Variants in HOOK3 observed in about 807,000 individuals in gnomAD.
The protein encoded by HOOK3 is hook microtubule tethering protein 3.
In HOOK3, 24 loss-of-function variants were observed where a neutral mutation model predicts 116.3. The ratio of observed to expected loss-of-function variants is 0.21; its 90% CI spans 0.15 to 0.29. The LOEUF (loss-of-function observed/expected upper bound fraction) is 0.29. Among genes scored for constraint, HOOK3 ranks in the 10% least tolerant of loss-of-function variants. HOOK3 has a pLI of 1.00. For synonymous variants in HOOK3, 275 were observed against 283.0 expected, an observed-to-expected ratio of 0.97 and a Z score of 0.28; for missense variants, 632 against 830.2, an observed-to-expected ratio of 0.76 and a Z score of 2.93.
chr8:43,027,293 G>T lies in HOOK3; in HGVS notation c.*8795G>T. On this transcript the variant is annotated 3_prime_UTR_variant, in exon 22 of 22. Coordinates refer to ENST00000307602, the MANE Select transcript of HOOK3 (RefSeq NM_032410.4). ...CAGGACTTCTACATTTGTAACTTGA[G>T]TATATTAATATTCAAATCATAGTTC... The T allele has an allele frequency of 3.6e-6, 1 of 275,726 alleles. No individual in the cohort carries two copies. Among genetic ancestry groups the T allele is most frequent in the Non-Finnish European group, 7.2e-6 (1 of 138,406 alleles). 17.1% of individuals were successfully genotyped at this position (275,726 alleles called of 1,614,324 possible).
At chr8:42,939,155 CTT>C (rs1385718962) in intron 4 of HOOK3, among the ~76,000 whole-genome samples, 2 of 152,246 alleles carry the variant, frequency 1.3e-5, no homozygotes, top group Non-Finnish European at 2.9e-5. Context: ...ATTTCTCACT[CTT>C]TTCCCCACCT....
At chr8:42,908,554 T>C (rs1194798466) in intron 2 of HOOK3, among the ~76,000 whole-genome samples, 1 of 152,174 alleles carries the variant, frequency 6.6e-6, no homozygotes, top group African/African-American at 2.4e-5. Context: ...AAACACCCAA[T>C]GAGAAAAGGA....
Position 42,950,422 on chromosome 8 carries a change from T to A in HOOK3, c.435T>A (p.Ser145=). The change falls in exon 6 of 22, where the codon TCT becomes TCA. Residue 145 remains serine (S), a synonymous_variant. Transcript: ENST00000307602. ...AAGCCATTATGATGATGGAGGAATC[T>A]GTTCAACATGTTGTCATGACAGCCA... is the stretch of plus-strand genomic sequence containing the variant. ...YIQAIMMMEE[S]VQHVVMTAIQ... The A allele has an allele frequency of 6.2e-7, 1 of 1,611,398 alleles. No individual in the cohort carries two copies. Among genetic ancestry groups the A allele is most frequent in the Non-Finnish European group, 8.5e-7 (1 of 1,178,044 alleles).
In HOOK3 at chr8:43,025,012, G is replaced by A; in HGVS notation, c.*6514G>A. On this transcript the variant is annotated 3_prime_UTR_variant, in exon 22 of 22. Coordinates refer to ENST00000307602, the MANE Select transcript of HOOK3 (RefSeq NM_032410.4). ...CACATGTATTATCTATATGACTATA[G>A]AAACTTATAAAACATTTAATTCATG... 1 of 203,728 alleles carries A rather than the reference G, an allele frequency of 4.9e-6. No individual in the cohort carries two copies. Among genetic ancestry groups the A allele is most frequent in the East Asian group, 7.6e-5 (1 of 13,140 alleles). The allele number at this position is 203,728 out of a possible 1,614,324, so 12.6% of individuals were successfully genotyped here. A position where few individuals can be genotyped will look rare whatever the true frequency, so the allele number is the denominator to read the frequency against.
chr8:42,982,543 T>C (rs929822568), intron 13 of HOOK3, 84 bp from the exon 14 acceptor site: 1 of 892,960 alleles, frequency 1.1e-6, no homozygotes, highest in African/African-American at 1.6e-5. Flanking sequence ...GCTGTTAAAA[T>C]TAATGCTCAA....
At chr8:42,973,743 A>C (rs1269670190) in intron 12 of HOOK3, among the ~76,000 whole-genome samples, 1 of 152,144 alleles carries the variant, frequency 6.6e-6, no homozygotes, top group African/African-American at 2.4e-5. Context: ...AGCATATTTC[A>C]AATCTTTTAA....
chr8:43,003,168 C>T (rs543159256), intron 17 of HOOK3, among the ~76,000 whole-genome samples: 1 of 152,292 alleles, frequency 6.6e-6, no homozygotes, highest in South Asian at 2.1e-4. Flanking sequence ...TTACACTGTG[C>T]TAAACCAGAC....
chr8:43,025,351 AATTC>A lies in HOOK3; in HGVS notation c.*6858_*6861del, dbSNP rs1270427247. ...AACATAATGGAAGGCTATTAAGGCA[AATTC>A]ATTCCTAGAAAGTGGAGTGGATCAT... On this transcript the variant is annotated 3_prime_UTR_variant, in exon 22 of 22. Transcript: ENST00000307602. 1 of 211,984 alleles carries A rather than the reference AATTC, an allele frequency of 4.7e-6. No individual in the cohort carries two copies. Among genetic ancestry groups the A allele is most frequent in the Non-Finnish European group, 9.5e-6 (1 of 104,716 alleles). 13.1% of individuals were successfully genotyped at this position (211,984 alleles called of 1,614,324 possible). A position where few individuals can be genotyped will look rare whatever the true frequency, so the allele number is the denominator to read the frequency against.
Position 43,013,148 on chromosome 8 carries a change from C to G in HOOK3, c.1937C>G (p.Ser646Ter), listed in dbSNP as rs1196074685. 6.3e-7 allele frequency: 1 copy of G among 1,598,280 alleles called. No homozygotes were observed. The highest frequency in any genetic ancestry group is 8.6e-7 in the Non-Finnish European group (1 of 1,166,770). The change falls in exon 20 of 22, where the codon TCA (serine) becomes TGA (stop). Residue 646 changes from serine (S) to a stop codon, truncating the protein, a stop_gained. Transcript: ENST00000307602. LOFTEE classifies it high-confidence loss of function. ...QLQERDRLFH[S>*]LEKEYEKTKS... ...CAGGAACGAGACCGACTGTTCCACT[C>G]ATTAGAGGTAGTTTACTATACTGTA...
rs1369424404 is a variant in HOOK3, at chr8:42,959,331, G to A, written c.615+17G>A. 2 of 1,512,884 alleles carry A rather than the reference G, an allele frequency of 1.3e-6. No homozygotes were observed. Among genetic ancestry groups the A allele is most frequent in the Non-Finnish European group, 1.8e-6 (2 of 1,088,800 alleles). 93.7% of individuals were successfully genotyped at this position (1,512,884 alleles called of 1,614,324 possible). On this transcript the variant is annotated intron_variant, in intron 8 of 21. Coordinates refer to ENST00000307602, the MANE Select transcript of HOOK3 (RefSeq NM_032410.4). ...GATATGCAGGTAAGAGATTTGTTCTGTGCACCACCTCTTTGAAACATACCA... is the reference window on the plus strand; with the variant it reads ...GATATGCAGGTAAGAGATTTGTTCTATGCACCACCTCTTTGAAACATACCA...
chr8:43,009,568 C>T (rs1160424433), intron 18 of HOOK3, among the ~76,000 whole-genome samples: 1 of 152,072 alleles, frequency 6.6e-6, no homozygotes, highest in Non-Finnish European at 1.5e-5. Flanking sequence ...CAGACCTGTG[C>T]TTCCCAAATA....
Position 42,944,679 on chromosome 8 carries a change from C to T in HOOK3, c.400+1234C>T, listed in dbSNP as rs549196939. 5.3e-5 allele frequency among the ~76,000 whole-genome samples: 8 copies of T among 151,150 alleles called. No homozygotes were observed. The East Asian group carries it at 1.0e-3, about 19-fold the overall frequency. ...ACTAAAAATACAAAAATTAGCCGGGCGCGGTGGTGGGCGCCTGTAATCCCA... is the reference window on the plus strand; with the variant it reads ...ACTAAAAATACAAAAATTAGCCGGGTGCGGTGGTGGGCGCCTGTAATCCCA... On this transcript the variant is annotated intron_variant, in intron 5 of 21. Transcript: ENST00000307602.
chr8:42,975,292 C>G (rs935621936), intron 13 of HOOK3, among the ~76,000 whole-genome samples: 2 of 152,214 alleles, frequency 1.3e-5, no homozygotes, highest in Non-Finnish European at 2.9e-5. Flanking sequence ...CTTGACATTT[C>G]CGTACTTCAT....
intron 17 of HOOK3, among the ~76,000 whole-genome samples, chr8:43,007,224 G>C (rs755351386): frequency 6.6e-6 from 1 of 151,790 alleles, no homozygotes; most frequent in Non-Finnish European, 1.5e-5. Context: ...TGCCATGTTG[G>C]CCAGGCTGGC....
At chr8:42,906,425 GC>G (rs1807312387) in intron 2 of HOOK3, among the ~76,000 whole-genome samples, 167 bp downstream of exon 2, 1 of 152,152 alleles carries the variant, frequency 6.6e-6, no homozygotes, top group Non-Finnish European at 1.5e-5. Flanking sequence ...AGATTGGGTT[GC>G]AAGTTTAATA....
rs58609523 is a variant in HOOK3 at position 43,007,016 on chromosome 8, A to ATTTTTTT, written c.1656-809_1656-803dup. 3.0e-4 allele frequency among the ~76,000 whole-genome samples: 31 copies of ATTTTTTT among 103,278 alleles called. 3 individuals are homozygous for ATTTTTTT. Among genetic ancestry groups the ATTTTTTT allele is most frequent in the African/African-American group, 1.1e-3 (25 of 23,342 alleles). 67.8% of individuals were successfully genotyped at this position (103,278 alleles called of 152,430 possible). ...TAAAGTACACGTCTTAAGTTCCTAG[A>ATTTTTTT]TTTTTTTTTTTTTTTTTTTTTTTTT... On this transcript the variant is annotated intron_variant, in intron 17 of 21. Coordinates refer to ENST00000307602, the MANE Select transcript of HOOK3 (RefSeq NM_032410.4).
chr8:42,927,478 A>T (rs574101340), intron 3 of HOOK3, among the ~76,000 whole-genome samples: 12 of 149,326 alleles, frequency 8.0e-5, no homozygotes, highest in Admixed American at 1.3e-4. Context: ...CTGGTCTTGA[A>T]CTCCTAACCT....
chr8:42,976,038 A>ATGTGTGTG (rs1386325481), intron 13 of HOOK3, among the ~76,000 whole-genome samples: 1 of 139,312 alleles, frequency 7.2e-6, no homozygotes, highest in African/African-American at 2.9e-5. Context: ...GTGTATATAT[A>ATGTGTGTG]TATGTGTGTG....
chr8:42,919,147 C>T (rs897228965), intron 2 of HOOK3, among the ~76,000 whole-genome samples: 6 of 151,154 alleles, frequency 4.0e-5, no homozygotes, highest in Non-Finnish European at 7.4e-5. Context: ...ACTTCCCAGA[C>T]GGGGCGGCTG....
Sources: gnomAD v4.1 joint callset for allele counts (sites outside exome capture counted in the v4.1 genomes callset) on GRCh38, gnomAD v4.1.1 for gene constraint, MANE v1.5 for transcripts, NCBI Gene and HGNC (gene_info 2026-07-23, HGNC 2026-07-21) for gene names.